MAPKAPK5: variants seen among roughly 807,000 people sequenced by gnomAD.
MAPKAPK5 encodes the protein MAP kinase-activated protein kinase 5.
Under a neutral mutation model 65.1 loss-of-function variants are expected in MAPKAPK5, and 30 were observed. That is an observed-to-expected ratio of 0.46 (90% confidence interval 0.34 to 0.63). The LOEUF (loss-of-function observed/expected upper bound fraction) is 0.63. Among genes scored for constraint, MAPKAPK5 ranks in the 20% least tolerant of loss-of-function variants. MAPKAPK5 has a pLI of 0.01. For synonymous variants in MAPKAPK5, 179 were observed against 204.6 expected, an observed-to-expected ratio of 0.87 and a Z score of 1.07; for missense variants, 433 against 581.4, an observed-to-expected ratio of 0.74 and a Z score of 2.63.
In MAPKAPK5 at chr12:111,865,861, G is replaced by A. The variant is rs185416790; in HGVS notation, c.111-295G>A. ...AAAAAAAAAAAAAAAAAAAAAAAGG[G>A]TGTCGAGACTGTGGGGCCACTGTGA... On this transcript the variant is annotated intron_variant, in intron 2 of 13. Coordinates refer to ENST00000550735, the MANE Select transcript of MAPKAPK5 (RefSeq NM_003668.4). Among the ~76,000 whole-genome samples the A allele has an allele frequency of 6.3e-4, 95 of 150,026 alleles. 1 individual carries two copies. In the East Asian group the frequency reaches 0.018, roughly 28 times the overall value.
chr12:111,871,062 A>C (rs1483240506), intron 6 of MAPKAPK5, 23 bp from the exon 7 acceptor site: 2 of 1,577,648 alleles, frequency 1.3e-6, no homozygotes, highest in Non-Finnish European at 1.7e-6. Flanking sequence ...TGGAGCAGTG[A>C]CTCCTTTTTT....
intron 10 of MAPKAPK5, chr12:111,887,924 C>G (rs1032429105): frequency 6.5e-6 from 1 of 152,864 alleles, no homozygotes; most frequent in African/African-American, 2.4e-5. Flanking sequence ...TCCTATGAAG[C>G]CTTCTGATGA....
At chr12:111,859,941 G>A (rs1033940695) in intron 1 of MAPKAPK5, among the ~76,000 whole-genome samples, 1 of 152,172 alleles carries the variant, frequency 6.6e-6, no homozygotes, top group Non-Finnish European at 1.5e-5. Context: ...GAGCCACCGT[G>A]CCCAGCGAAT....
intron 7 of MAPKAPK5, among the ~76,000 whole-genome samples, chr12:111,872,053 C>T (rs1170845667): frequency 6.6e-6 from 1 of 151,970 alleles, no homozygotes; most frequent in Non-Finnish European, 1.5e-5. Context: ...TCATTATATA[C>T]CTAAGCTGCA....
chr12:111,900,120 G>A lies in MAPKAPK5; in HGVS notation c.*7059G>A, dbSNP rs78069066. 3,986 of 456,032 alleles carry A rather than the reference G, an allele frequency of 8.7e-3. 520 individuals are homozygous for A. In the East Asian group the frequency reaches 0.27, roughly 30 times the overall value. 28.2% of individuals were successfully genotyped at this position (456,032 alleles called of 1,614,324 possible). ...GCTGGCTGGAATGGAGATTTGGACC[G>A]AGGGGGACCTAATAGATGTCACAGT... On this transcript the variant is annotated 3_prime_UTR_variant, in exon 14 of 14. Transcript: ENST00000550735.
At chr12:111,845,807 C>G (rs183870380) in intron 1 of MAPKAPK5, among the ~76,000 whole-genome samples, 22 of 152,164 alleles carry the variant, frequency 1.4e-4, no homozygotes, top group Non-Finnish European at 3.1e-4. Context: ...TCTGTAATCC[C>G]AGCTACTCAG....
chr12:111,860,821 C>T (rs994147837), intron 1 of MAPKAPK5, among the ~76,000 whole-genome samples: 1 of 151,840 alleles, frequency 6.6e-6, no homozygotes, highest in Non-Finnish European at 1.5e-5. Flanking sequence ...CGAGGAATTG[C>T]CTACCACTTC....
chr12:111,900,705 T>C lies in MAPKAPK5; in HGVS notation c.*7644T>C, dbSNP rs1465856090. Reference sequence around the variant, plus strand: ...CAGTGATGGTCCATGTTGTCATAAGTGTAAATTTCACCGTAAGGGATATCC... The same window carrying C: ...CAGTGATGGTCCATGTTGTCATAAGCGTAAATTTCACCGTAAGGGATATCC... On this transcript the variant is annotated 3_prime_UTR_variant, in exon 14 of 14. Coordinates refer to ENST00000550735, the MANE Select transcript of MAPKAPK5 (RefSeq NM_003668.4). The C allele has an allele frequency of 4.4e-6, 2 of 456,104 alleles. No individual in the cohort carries two copies. The highest frequency in any genetic ancestry group is 1.5e-5 in the South Asian group (1 of 64,568). 28.3% of individuals were successfully genotyped at this position (456,104 alleles called of 1,614,324 possible).
rs1321847040 is a variant in MAPKAPK5 at position 111,899,953 on chromosome 12, A to C, written c.*6892A>C. The C allele has an allele frequency of 2.2e-6, 1 of 456,090 alleles. No homozygotes were observed. The highest frequency in any genetic ancestry group is 2.3e-5 in the Admixed American group (1 of 42,578). The allele number at this position is 456,090 out of a possible 1,614,324, so 28.3% of individuals were successfully genotyped here. ...GCACTGTCCTACTTGTGGTCACACA[A>C]AAAGTACGTGGAGATGTTTGTCGTG... is the stretch of plus-strand genomic sequence containing the variant. On this transcript the variant is annotated 3_prime_UTR_variant, in exon 14 of 14. Transcript: ENST00000550735.
At chr12:111,882,706 G>C in intron 8 of MAPKAPK5, 1 of 625,096 alleles carries the variant, frequency 1.6e-6, no homozygotes, top group Non-Finnish European at 2.0e-6. Flanking sequence ...TCTTCCCCCA[G>C]AATGGTGTAA....
chr12:111,886,957 A>G (rs887640832), intron 10 of MAPKAPK5, among the ~76,000 whole-genome samples: 1 of 152,216 alleles, frequency 6.6e-6, no homozygotes, highest in African/African-American at 2.4e-5. Context: ...TTCGTGATAG[A>G]CTAGATATAA....
At chr12:111,850,194 A>G (rs1161978200) in intron 1 of MAPKAPK5, among the ~76,000 whole-genome samples, 1 of 151,816 alleles carries the variant, frequency 6.6e-6, no homozygotes, top group Non-Finnish European at 1.5e-5. Flanking sequence ...ATGCCCGCCT[A>G]ATTTTTGTCT....
At chr12:111,862,925 C>T (rs978398719) in intron 1 of MAPKAPK5, among the ~76,000 whole-genome samples, 1 of 152,100 alleles carries the variant, frequency 6.6e-6, no homozygotes, top group Non-Finnish European at 1.5e-5. Flanking sequence ...CCCTGGGTCT[C>T]GTCAGATACT....
intron 1 of MAPKAPK5, among the ~76,000 whole-genome samples, chr12:111,845,738 A>G (rs569708098): frequency 2.0e-5 from 3 of 152,148 alleles, no homozygotes; most frequent in Admixed American, 1.3e-4. Context: ...TCTGGCCAAC[A>G]TGGCGAGACC....
rs1298114530 is a variant in MAPKAPK5 at position 111,873,227 on chromosome 12, C to T, written c.579+2047C>T. ...AATGAGAGACCAGGTTCTTTTTTTCCCCCTTAAGGGTGTCAAGTTGTTGCA... is the reference window on the plus strand; with the variant it reads ...AATGAGAGACCAGGTTCTTTTTTTCTCCCTTAAGGGTGTCAAGTTGTTGCA... On this transcript the variant is annotated intron_variant, in intron 7 of 13. Coordinates refer to ENST00000550735, the MANE Select transcript of MAPKAPK5 (RefSeq NM_003668.4). 3.3e-5 allele frequency among the ~76,000 whole-genome samples: 5 copies of T among 152,002 alleles called. No homozygotes were observed. The East Asian group carries it at 9.7e-4, about 29-fold the overall frequency.
intron 7 of MAPKAPK5, chr12:111,880,114 T>C (rs570373882): frequency 3.2e-6 from 1 of 316,668 alleles, no homozygotes; most frequent in African/African-American, 2.1e-5. Flanking sequence ...TTGAAGCTCA[T>C]CTGCTGGACA....
At chr12:111,856,074 C>T (rs533058258) in intron 1 of MAPKAPK5, among the ~76,000 whole-genome samples, 23 of 151,894 alleles carry the variant, frequency 1.5e-4, no homozygotes, top group South Asian at 4.2e-4. Flanking sequence ...AGGCTGGTCT[C>T]GAACTCCTGA....
In MAPKAPK5 at chr12:111,900,436, T is replaced by C. The variant is rs981255710; in HGVS notation, c.*7375T>C. 6.6e-6 allele frequency: 3 copies of C among 455,926 alleles called. No homozygotes were observed. The highest frequency in any genetic ancestry group is 6.0e-5 in the African/African-American group (3 of 50,078). 28.2% of individuals were successfully genotyped at this position (455,926 alleles called of 1,614,324 possible). A position where few individuals can be genotyped will look rare whatever the true frequency, so the allele number is the denominator to read the frequency against. ...TGTAAAGATAAGCACTTTTGCCTCA[T>C]GCATGAAAATATCACAAAAGAAAGT... On this transcript the variant is annotated 3_prime_UTR_variant, in exon 14 of 14. Coordinates refer to ENST00000550735, the MANE Select transcript of MAPKAPK5 (RefSeq NM_003668.4).
At chr12:111,857,912 T>G (rs2069298039) in intron 1 of MAPKAPK5, among the ~76,000 whole-genome samples, 1 of 151,966 alleles carries the variant, frequency 6.6e-6, no homozygotes, top group African/African-American at 2.4e-5. Context: ...TTTGTGTGTG[T>G]GTGTGAGACA....
Sources: allele counts gnomAD v4.1 joint callset (sites outside exome capture counted in the v4.1 genomes callset), GRCh38; gene constraint gnomAD v4.1.1; transcripts MANE v1.5; gene names NCBI Gene and HGNC (gene_info 2026-07-23, HGNC 2026-07-21).